Variants in FBF1 observed in about 807,000 individuals in gnomAD.
FBF1 encodes Fas binding factor 1.
FBF1 carries 119 observed loss-of-function variants against 147.2 expected under a neutral mutation model. The ratio of observed to expected loss-of-function variants is 0.81; its 90% CI spans 0.70 to 0.94. The LOEUF (loss-of-function observed/expected upper bound fraction) is 0.94. FBF1 is among the 40% of genes least tolerant of loss of function. FBF1 has a pLI of 0.00. For missense variants in FBF1, 1,449 were observed against 1,500.8 expected (o/e 0.97, Z 0.57); for synonymous variants, 601 against 609.0 (o/e 0.99, Z 0.19).
chr17:75,929,958 C>T (rs1421424308), intron 7 of FBF1, 39 bp downstream of exon 7: 1 of 1,065,714 alleles, frequency 9.4e-7, no homozygotes, highest in Non-Finnish European at 1.4e-6. Flanking sequence ...CCACCCCACC[C>T]ACCCCCAGTT....
In FBF1 at chr17:75,918,214, G is replaced by A; in HGVS notation, c.2194C>T (p.Leu732=). 1.9e-6 allele frequency: 3 copies of A among 1,613,456 alleles called. No individual in the cohort carries two copies. The highest frequency in any genetic ancestry group is 2.5e-6 in the Non-Finnish European group (3 of 1,179,864). The part of the protein sequence containing the change: ...DHEEQLQRLK[L]LKDREVDAAT... ...GCATCGACCTCTCGGTCCTTCAGCA[G>A]CTTTAGCCGCTGCAGCTGCTCCTCG... is the stretch of plus-strand genomic sequence containing the variant. The change falls in exon 21 of 30, where the codon CTG becomes TTG. Residue 732 remains leucine, a synonymous_variant. Coordinates refer to ENST00000636174, the MANE Select transcript of FBF1 (RefSeq NM_001319193.2). The surrounding 1 kb of genome is among the most constrained non-coding windows in gnomAD (Gnocchi z 5.8).
rs147732229 is a variant in FBF1, at chr17:75,940,176, C to T, written c.-84+672G>A. Among the ~76,000 whole-genome samples the T allele has an allele frequency of 5.7e-3, 864 of 151,300 alleles. 10 individuals are homozygous for T. Among genetic ancestry groups the T allele is most frequent in the African/African-American group, 0.02 (806 of 41,270 alleles). On this transcript the variant is annotated intron_variant, in intron 1 of 29. Transcript: ENST00000636174. ...CCAGGAGGTCTCGAACTCCTGACCT[C>T]GTGATCTGCCCGTCTCGGCCTCCCA...
In FBF1 at chr17:75,925,271, G is replaced by A; in HGVS notation, c.968+76C>T. The A allele has an allele frequency of 4.3e-6, 5 of 1,152,912 alleles. No individual in the cohort carries two copies. The highest frequency in any genetic ancestry group is 6.2e-6 in the Non-Finnish European group (5 of 801,492). The allele number at this position is 1,152,912 out of a possible 1,614,324, so 71.4% of individuals were successfully genotyped here. Reference sequence around the variant, plus strand: ...CACATGAGACTCTCGGGTGGGACAGGGGACAGCTGCAGGGGCCTGTCTTCC... The same window carrying A: ...CACATGAGACTCTCGGGTGGGACAGAGGACAGCTGCAGGGGCCTGTCTTCC... On this transcript the variant is annotated intron_variant, in intron 13 of 29. Transcript: ENST00000636174. This position sits in a 1 kb window ranked among gnomAD's most constrained non-coding sequence, Gnocchi z 5.0.
Position 75,914,237 on chromosome 17 carries a change from G to A in FBF1, c.2876C>T (p.Ala959Val), listed in dbSNP as rs573489562. The change falls in exon 26 of 30, where the codon GCG (alanine) becomes GTG (valine). Residue 959 changes from alanine (A) to valine (V), a missense_variant. Ala to Val is a moderately conservative substitution (Grantham distance 64, BLOSUM62 0). Coordinates refer to ENST00000636174, the MANE Select transcript of FBF1 (RefSeq NM_001319193.2). ...CTCCTGCTCCAGGGCTGCTCTCTCCGCTGCCAGCTGCTTCTCCTCGGCCCG... is the reference window on the plus strand; with the variant it reads ...CTCCTGCTCCAGGGCTGCTCTCTCCACTGCCAGCTGCTTCTCCTCGGCCCG... ...ELRAEEKQLA[A>V]ERAALEQERQ... The A allele has an allele frequency of 1.4e-5, 23 of 1,592,486 alleles. No individual in the cohort carries two copies. The South Asian group carries it at 1.8e-4, about 13-fold the overall frequency.
chr17:75,917,214 T>TC (rs1391899418), intron 23 of FBF1, among the ~76,000 whole-genome samples: 1 of 152,236 alleles, frequency 6.6e-6, no homozygotes. Context: ...TCCTGCTGCC[T>TC]CAGCCCCCCA....
intron 3 of FBF1, among the ~76,000 whole-genome samples, chr17:75,936,721 A>C (rs1459263280): frequency 6.6e-6 from 1 of 152,150 alleles, no homozygotes; most frequent in Non-Finnish European, 1.5e-5. Context: ...ATGATGGTGC[A>C]GATTTTCAGC....
chr17:75,931,059 C>T (rs1160237111), intron 6 of FBF1, among the ~76,000 whole-genome samples, 170 bp downstream of exon 6: 1 of 152,328 alleles, frequency 6.6e-6, no homozygotes, highest in East Asian at 1.9e-4. Context: ...CACACCACTG[C>T]ACTCTAGCCT....
intron 28 of FBF1, 84 bp from the exon 29 acceptor site, chr17:75,912,391 C>A: frequency 9.5e-7 from 1 of 1,056,720 alleles, no homozygotes; most frequent in Non-Finnish European, 1.3e-6. Context: ...AGAGCTGCTC[C>A]CCCCGCCAGT....
intron 1 of FBF1, among the ~76,000 whole-genome samples, chr17:75,939,562 TTTAA>T (rs1362772477): frequency 6.6e-6 from 1 of 152,146 alleles, no homozygotes; most frequent in Non-Finnish European, 1.5e-5. Context: ...TCTTTTTCTT[TTTAA>T]AATTTTTTTT....
chr17:75,926,235 C>T, intron 11 of FBF1, 53 bp downstream of exon 11: 2 of 1,607,846 alleles, frequency 1.2e-6, no homozygotes, highest in South Asian at 2.2e-5. Context: ...TACCCGTCCA[C>T]CAGCTTTTCC....
At position 75,910,553 on chromosome 17, in the gene FBF1, G is replaced by A. The variant is rs1037999577; in HGVS notation, c.*170C>T. Reference sequence around the variant, plus strand: ...GAGCCCCAGAGGCAGGGGCTGCCCCGGGCTGGCACATTTGGAAAGGATGCA... The same window carrying A: ...GAGCCCCAGAGGCAGGGGCTGCCCCAGGCTGGCACATTTGGAAAGGATGCA... On this transcript the variant is annotated 3_prime_UTR_variant, in exon 30 of 30. Transcript: ENST00000636174. This position sits in a 1 kb window ranked among gnomAD's most constrained non-coding sequence, Gnocchi z 4.1. 1.5e-5 allele frequency: 9 copies of A among 616,134 alleles called. No homozygotes were observed. Among genetic ancestry groups the A allele is most frequent in the Middle Eastern group, 4.4e-4 (1 of 2,296 alleles). The allele number at this position is 616,134 out of a possible 1,614,324, so 38.2% of individuals were successfully genotyped here. A position where few individuals can be genotyped will look rare whatever the true frequency, so the allele number is the denominator to read the frequency against.
At chr17:75,936,084 G>A (rs1262236199) in intron 3 of FBF1, among the ~76,000 whole-genome samples, 2 of 152,166 alleles carry the variant, frequency 1.3e-5, no homozygotes, top group African/African-American at 4.8e-5. Context: ...AGGCCAAGGC[G>A]GGTGGATCAC....
rs1361611004 is a variant in FBF1 at position 75,939,450 on chromosome 17, C to G, written c.-83-1218G>C. Among the ~76,000 whole-genome samples, 3 of 152,160 alleles carry G rather than the reference C, an allele frequency of 2.0e-5. No homozygotes were observed. In the East Asian group the frequency reaches 5.8e-4, roughly 29 times the overall value. On this transcript the variant is annotated intron_variant, in intron 1 of 29. Coordinates refer to ENST00000636174, the MANE Select transcript of FBF1 (RefSeq NM_001319193.2). ...CTCATTTCAGAAAGGAGGTGGGTGC[C>G]TGGCACCAAGGCTGAAACCCTTTCC... is the stretch of plus-strand genomic sequence containing the variant.
intron 1 of FBF1, among the ~76,000 whole-genome samples, chr17:75,938,951 A>G (rs998956036): frequency 6.6e-6 from 1 of 152,050 alleles, no homozygotes; most frequent in African/African-American, 2.4e-5. Flanking sequence ...GGTAAAGCCC[A>G]TTTCCATAAA....
At chr17:75,930,243 C>T (rs2065586371) in intron 6 of FBF1, 196 bp from the exon 7 acceptor site, 4 of 590,850 alleles carry the variant, frequency 6.8e-6, no homozygotes, top group East Asian at 2.8e-5. Flanking sequence ...GCCAAACCTG[C>T]CTGGTTTTAG....
chr17:75,921,125 T>C, intron 17 of FBF1, 119 bp downstream of exon 17: 1 of 1,038,104 alleles, frequency 9.6e-7, no homozygotes, highest in South Asian at 1.4e-5. Flanking sequence ...TGACGTCACA[T>C]TTGGTATGTT....
chr17:75,909,621 ATGT>A lies in FBF1; in HGVS notation c.*1099_*1101del. ...AATCTCCCCGGGCCTCAGTTTCTGC[ATGT>A]TTGAAGCAGGGCTAATAGTACCCTT... On this transcript the variant is annotated 3_prime_UTR_variant, in exon 30 of 30. Transcript: ENST00000636174. 1 of 513,736 alleles carries A rather than the reference ATGT, an allele frequency of 1.9e-6. No homozygotes were observed. Among genetic ancestry groups the A allele is most frequent in the East Asian group, 2.9e-5 (1 of 33,918 alleles). 31.8% of individuals were successfully genotyped at this position (513,736 alleles called of 1,614,324 possible). A position where few individuals can be genotyped will look rare whatever the true frequency, so the allele number is the denominator to read the frequency against.
In FBF1 at chr17:75,917,722, C is replaced by T. The variant is rs761116818; in HGVS notation, c.2505+10G>A. 8.3e-6 allele frequency: 13 copies of T among 1,559,988 alleles called. No individual in the cohort carries two copies. Among genetic ancestry groups the T allele is most frequent in the South Asian group, 3.5e-5 (3 of 84,576 alleles). On this transcript the variant is annotated intron_variant, in intron 23 of 29. Transcript: ENST00000636174. ...AGGAGGGGCAGGAGGGCCAGGAGGACGGGCCTCACCTGCTCCAGCAGCCGG... is the reference window on the plus strand; with the variant it reads ...AGGAGGGGCAGGAGGGCCAGGAGGATGGGCCTCACCTGCTCCAGCAGCCGG...
intron 13 of FBF1, among the ~76,000 whole-genome samples, chr17:75,924,831 C>G (rs186389415): frequency 2.3e-4 from 35 of 152,158 alleles, no homozygotes; most frequent in African/African-American, 7.7e-4. Flanking sequence ...TATATACTGG[C>G]AAAAGAACTC....
Sources: gnomAD v4.1 joint callset for allele counts (sites outside exome capture counted in the v4.1 genomes callset) on GRCh38, gnomAD v4.1.1 for gene constraint, Gnocchi (gnomAD v3.1) non-coding constraint, MANE v1.5 for transcripts, NCBI Gene and HGNC (gene_info 2026-07-23, HGNC 2026-07-21) for gene names.